The following KDM4C variants were observed in gnomAD, a reference collection of about 807,000 sequenced individuals.
KDM4C encodes lysine demethylase 4C.
KDM4C carries 81 observed loss-of-function variants against 129.3 expected under a neutral mutation model. The observed-to-expected ratio is 0.63, with a 90% CI of 0.52 to 0.75. The LOEUF (loss-of-function observed/expected upper bound fraction) is 0.75. Among genes scored for constraint, KDM4C ranks in the 30% least tolerant of loss-of-function variants. The pLI is 0.00. For synonymous variants in KDM4C, 573 were observed against 456.1 expected, an observed-to-expected ratio of 1.26 and a Z score of -3.26; for missense variants, 1,457 against 1,304.0, an observed-to-expected ratio of 1.12 and a Z score of -1.81.
chr9:6,803,170 A>T (rs1177197421), intron 2 of KDM4C, among the ~76,000 whole-genome samples: 3 of 152,120 alleles, frequency 2.0e-5, no homozygotes, highest in African/African-American at 7.2e-5. Context: ...TGCCTCTTAC[A>T]CCTGGGCAGT....
intron 1 of KDM4C, among the ~76,000 whole-genome samples, chr9:6,739,936 C>T (rs1284308102): frequency 6.6e-6 from 1 of 152,144 alleles, no homozygotes; most frequent in African/African-American, 2.4e-5. Flanking sequence ...TGTTGCCAGG[C>T]TGGAGTGCAG....
intron 4 of KDM4C, among the ~76,000 whole-genome samples, chr9:6,841,772 G>T (rs761248925): frequency 6.6e-6 from 1 of 152,166 alleles, no homozygotes; most frequent in Non-Finnish European, 1.5e-5. Context: ...TGATCAGGCC[G>T]TCTTTGGTGC....
Position 7,130,485 on chromosome 9 carries a change from GT to G in KDM4C, c.2781+2250del. Among the ~76,000 whole-genome samples the G allele has an allele frequency of 1.3e-5, 2 of 152,282 alleles. 1 individual carries two copies. Among genetic ancestry groups the G allele is most frequent in the Middle Eastern group, 6.8e-3 (2 of 294 alleles). ...CAAATATGATTTTAAGTACACTTGA[GT>G]GTTGTGAGAAGAACACAGAAGCTAA... is the stretch of plus-strand genomic sequence containing the variant. On this transcript the variant is annotated intron_variant, in intron 19 of 21. Transcript: ENST00000381309.
intron 8 of KDM4C, among the ~76,000 whole-genome samples, chr9:6,911,465 G>C (rs2131084529): frequency 6.6e-6 from 1 of 152,284 alleles, no homozygotes; most frequent in East Asian, 1.9e-4. Context: ...TGATTTTGAT[G>C]AATTACATAT....
intron 12 of KDM4C, among the ~76,000 whole-genome samples, chr9:7,003,893 T>G (rs957694428): frequency 6.6e-6 from 1 of 152,192 alleles, no homozygotes; most frequent in Admixed American, 6.5e-5. Flanking sequence ...ATCTCACTTC[T>G]GCACTTATCC....
chr9:6,796,318 G>T (rs1167111073), intron 2 of KDM4C, among the ~76,000 whole-genome samples: 1 of 152,148 alleles, frequency 6.6e-6, no homozygotes, highest in Admixed American at 6.5e-5. Context: ...GGAGGTGGGC[G>T]CCTGTAGTCC....
chr9:6,741,693 T>TTTTTTTTTTTTTTTTTTTTA (rs1817702224), intron 1 of KDM4C, among the ~76,000 whole-genome samples: 1 of 149,284 alleles, frequency 6.7e-6, no homozygotes, highest in African/African-American at 2.5e-5. Flanking sequence ...TTTTTTTTTT[T>TTTTTTTTTTTTTTTTTTTTA]TGTCTTTTGG....
chr9:7,081,126 G>C (rs1389911700), intron 17 of KDM4C, among the ~76,000 whole-genome samples: 4 of 152,156 alleles, frequency 2.6e-5, no homozygotes, highest in African/African-American at 9.6e-5. Context: ...CTGAGTAACT[G>C]ATCTTCCTGT....
intron 4 of KDM4C, chr9:6,834,419 T>G: frequency 4.8e-6 from 2 of 415,222 alleles, no homozygotes; most frequent in South Asian, 3.9e-5. Context: ...TGGCCCTCAC[T>G]GCTCTGCTGC....
intron 5 of KDM4C, among the ~76,000 whole-genome samples, chr9:6,855,666 CCT>C (rs1159706316): frequency 6.6e-6 from 1 of 152,080 alleles, no homozygotes; most frequent in East Asian, 1.9e-4. Context: ...TGTCCTTTCT[CCT>C]CTCCATTCCT....
chr9:7,065,409 AT>A, intron 17 of KDM4C, among the ~76,000 whole-genome samples: 1 of 151,982 alleles, frequency 6.6e-6, no homozygotes, highest in South Asian at 2.1e-4. Flanking sequence ...AAACTTTCAA[AT>A]TTTTTTTCCT....
chr9:6,737,809 C>T (rs1253909578), intron 1 of KDM4C, among the ~76,000 whole-genome samples: 1 of 152,008 alleles, frequency 6.6e-6, no homozygotes, highest in African/African-American at 2.4e-5. Context: ...AAACTCACAC[C>T]AGTCAGAATG....
intron 8 of KDM4C, among the ~76,000 whole-genome samples, chr9:6,931,491 G>T (rs1437423651): frequency 6.7e-6 from 1 of 149,772 alleles, no homozygotes; most frequent in Non-Finnish European, 1.5e-5. Context: ...GTAAGCAATA[G>T]TCATATATAT....
At chr9:7,060,986 C>G (rs1291663321) in intron 17 of KDM4C, among the ~76,000 whole-genome samples, 6 of 152,194 alleles carry the variant, frequency 3.9e-5, no homozygotes, top group Admixed American at 3.9e-4. Context: ...GTCTGTATCT[C>G]TCAATCTGTC....
chr9:6,903,742 C>G (rs1817800472), intron 8 of KDM4C, among the ~76,000 whole-genome samples: 1 of 152,066 alleles, frequency 6.6e-6, no homozygotes, highest in African/African-American at 2.4e-5. Flanking sequence ...TATTACTACC[C>G]AAATATCCAT....
At chr9:6,824,629 A>C (rs1009746040) in intron 4 of KDM4C, among the ~76,000 whole-genome samples, 2 of 132,266 alleles carry the variant, frequency 1.5e-5, no homozygotes, top group African/African-American at 6.4e-5. Context: ...CTCACGCAAG[A>C]CTCCGTCTCA....
chr9:6,946,711 T>G (rs1401832092), intron 8 of KDM4C, among the ~76,000 whole-genome samples: 1 of 152,164 alleles, frequency 6.6e-6, no homozygotes, highest in Non-Finnish European at 1.5e-5. Context: ...ATAATCAGTA[T>G]GTCACTCATG....
Position 6,986,411 on chromosome 9 carries a change from T to C in KDM4C, c.1422T>C (p.Tyr474=). 2 of 1,614,008 alleles carry C rather than the reference T, an allele frequency of 1.2e-6. No individual in the cohort carries two copies. The highest frequency in any genetic ancestry group is 1.7e-6 in the Non-Finnish European group (2 of 1,179,868). Residue 474 remains tyrosine (Y), a synonymous_variant, in exon 11 of 22, where the codon TAT becomes TAC. Coordinates refer to ENST00000381309, the MANE Select transcript of KDM4C (RefSeq NM_015061.6). Reference sequence around the variant, plus strand: ...CTGAGGATGACAAAGCTTATGCATATAGAAGTGTACCTTCTATATCCAGTG... The same window carrying C: ...CTGAGGATGACAAAGCTTATGCATACAGAAGTGTACCTTCTATATCCAGTG... ...IKTEDDKAYA[Y]RSVPSISSEA...
intron 19 of KDM4C, among the ~76,000 whole-genome samples, chr9:7,134,049 G>T (rs1226089573): frequency 6.6e-6 from 1 of 152,180 alleles, no homozygotes; most frequent in African/African-American, 2.4e-5. Context: ...GCTCCAGAGG[G>T]CTGCCCTTCT....
Sources: allele counts gnomAD v4.1 joint callset (sites outside exome capture counted in the v4.1 genomes callset), GRCh38; gene constraint gnomAD v4.1.1; transcripts MANE v1.5; gene names NCBI Gene and HGNC (gene_info 2026-07-23, HGNC 2026-07-21).